CSMD2: variants seen among roughly 807,000 people sequenced by gnomAD.
CSMD2 encodes CUB and Sushi multiple domains 2.
In CSMD2, 130 loss-of-function variants were observed where a neutral mutation model predicts 398.5. The observed-to-expected ratio is 0.33, with a 90% CI of 0.28 to 0.38. The LOEUF (loss-of-function observed/expected upper bound fraction) is 0.38, where lower values mean the gene tolerates loss of function less well. Ranked by LOEUF, CSMD2 falls within the 10% of genes least tolerant of loss-of-function variation. CSMD2 has a pLI of 1.00. For missense variants in CSMD2, 3,829 were observed against 4,764.9 expected (o/e 0.80, Z 5.78); for synonymous variants, 1,828 against 1,908.5 (o/e 0.96, Z 1.10).
At position 33,710,718 on chromosome 1, in the gene CSMD2, G is replaced by A. The variant is rs370072613; in HGVS notation, c.3407-1460C>T. The stretch of plus-strand genomic sequence containing the variant: ...TAACCCTAATTACCCTAAGCCAGGA[G>A]CGTACTAGGCTGAGGCAGCATAGAT... On this transcript the variant is annotated intron_variant, in intron 21 of 70. Coordinates refer to ENST00000373381, the MANE Select transcript of CSMD2 (RefSeq NM_001281956.2). Among the ~76,000 whole-genome samples, 41 of 151,104 alleles carry A rather than the reference G, an allele frequency of 2.7e-4. No individual in the cohort carries two copies. The East Asian group carries it at 7.3e-3, about 27-fold the overall frequency.
intron 58 of CSMD2, among the ~76,000 whole-genome samples, chr1:33,542,213 G>GC (rs578058465): frequency 4.6e-5 from 7 of 152,212 alleles, no homozygotes; most frequent in Non-Finnish European, 2.9e-5. Flanking sequence ...CTTGAGAGAA[G>GC]CAAGAAATTG....
At chr1:33,600,036 T>C (rs1051687428) in intron 44 of CSMD2, 11 of 629,858 alleles carry the variant, frequency 1.7e-5, no homozygotes, top group African/African-American at 1.7e-4. Context: ...TATTTCTTCA[T>C]TTGTAAAGTG....
At chr1:33,778,631 A>G (rs1025164418) in intron 12 of CSMD2, among the ~76,000 whole-genome samples, 8 of 152,186 alleles carry the variant, frequency 5.3e-5, no homozygotes, top group Non-Finnish European at 1.0e-4. Context: ...AATATTTTGC[A>G]TGGAAACCGT....
intron 3 of CSMD2, among the ~76,000 whole-genome samples, chr1:33,995,362 C>T (rs1305862211): frequency 6.6e-6 from 1 of 152,246 alleles, no homozygotes; most frequent in Non-Finnish European, 1.5e-5. Flanking sequence ...AGGACTACGA[C>T]ACTGTCACCA....
intron 1 of CSMD2, among the ~76,000 whole-genome samples, chr1:34,151,271 C>T (rs550329462): frequency 6.6e-6 from 1 of 152,322 alleles, no homozygotes; most frequent in East Asian, 1.9e-4. Context: ...CAACCCAGGG[C>T]CACTGCACTA....
At chr1:33,839,188 A>G (rs1016031099) in intron 6 of CSMD2, 1 of 152,210 alleles carries the variant, frequency 6.6e-6, no homozygotes, top group African/African-American at 2.4e-5. Flanking sequence ...AACATATGAG[A>G]AGTCCAGAAA....
At chr1:34,015,462 G>C (rs1398631356) in intron 3 of CSMD2, among the ~76,000 whole-genome samples, 2 of 152,208 alleles carry the variant, frequency 1.3e-5, no homozygotes, top group East Asian at 3.9e-4. Context: ...TGGGAGACTA[G>C]CTAGGTGAGA....
chr1:33,733,558 A>G lies in CSMD2; in HGVS notation c.2368+5582T>C, dbSNP rs574488342. ...TGGTTGGGCTCTGTGTCCCCACCCAAATCTCACCTCGAGTTATAATCCCCA... is the reference window on the plus strand; with the variant it reads ...TGGTTGGGCTCTGTGTCCCCACCCAGATCTCACCTCGAGTTATAATCCCCA... On this transcript the variant is annotated intron_variant, in intron 15 of 70. Transcript: ENST00000373381. Among the ~76,000 whole-genome samples, 9 of 152,230 alleles carry G rather than the reference A, an allele frequency of 5.9e-5. No individual in the cohort carries two copies. The South Asian group carries it at 6.2e-4, about 11-fold the overall frequency.
chr1:33,763,918 C>T (rs551199277), intron 13 of CSMD2, among the ~76,000 whole-genome samples: 5 of 152,162 alleles, frequency 3.3e-5, no homozygotes, highest in Non-Finnish European at 7.3e-5. Context: ...ATGTATGCCC[C>T]AGTCCAAGGA....
At position 33,772,592 on chromosome 1, in the gene CSMD2, G is replaced by C; in HGVS notation, c.1823C>G (p.Ser608Trp). 1.9e-6 allele frequency: 3 copies of C among 1,613,770 alleles called. No homozygotes were observed. Among genetic ancestry groups the C allele is most frequent in the Admixed American group, 3.3e-5 (2 of 60,006 alleles). Residue 608 changes from serine to tryptophan, a missense_variant, in exon 13 of 71, where the codon TCG (serine) becomes TGG (tryptophan). Ser to Trp is a radical substitution (Grantham distance 177). Transcript: ENST00000373381. ...ACACACGCAGCCTGGCTTCTTAGCC[G>C]ACCATTGGTTATTCTTTTGGCATGT... ...AITCQKNNQW[S>W]AKKPGCVFSC... is the part of the protein sequence containing the mutation.
chr1:33,865,165 A>G (rs1281929914), intron 5 of CSMD2, among the ~76,000 whole-genome samples: 2 of 151,594 alleles, frequency 1.3e-5, no homozygotes, highest in Non-Finnish European at 2.9e-5. Context: ...TGTCAGGTTC[A>G]GGAACATGAC....
chr1:33,738,964 C>T (rs1389575631), intron 15 of CSMD2, among the ~76,000 whole-genome samples, 176 bp downstream of exon 15: 2 of 152,208 alleles, frequency 1.3e-5, no homozygotes, highest in Non-Finnish European at 2.9e-5. Context: ...TTCCTACGCA[C>T]AGTGGCCTTA....
At chr1:33,956,238 G>T (rs190854507) in intron 3 of CSMD2, among the ~76,000 whole-genome samples, 3 of 149,570 alleles carry the variant, frequency 2.0e-5, no homozygotes, top group Non-Finnish European at 4.4e-5. Context: ...TCACATTGTT[G>T]TGTAACCATC....
rs773055404 is a variant in CSMD2 at position 33,514,102 on chromosome 1, C to A, written c.*2522G>T. On this transcript the variant is annotated 3_prime_UTR_variant, in exon 71 of 71. Transcript: ENST00000373381. ...CATAATGCAGGACCCCAGGGGGAAG[C>A]CTCATATACAGAGACAGATAAATTA... is the stretch of plus-strand genomic sequence containing the variant. 2 of 152,502 alleles carry A rather than the reference C, an allele frequency of 1.3e-5. No homozygotes were observed. The highest frequency in any genetic ancestry group is 1.5e-5 in the Non-Finnish European group (1 of 68,014). 9.4% of individuals were successfully genotyped at this position (152,502 alleles called of 1,614,324 possible).
At chr1:34,023,592 C>T (rs994134883) in intron 3 of CSMD2, among the ~76,000 whole-genome samples, 4 of 152,140 alleles carry the variant, frequency 2.6e-5, no homozygotes, top group African/African-American at 9.7e-5. Flanking sequence ...CGGAGAGCCA[C>T]AAGATTTGAC....
intron 5 of CSMD2, among the ~76,000 whole-genome samples, chr1:33,888,881 C>A (rs1052648652): frequency 1.1e-4 from 16 of 152,092 alleles, no homozygotes; most frequent in African/African-American, 2.9e-4. Flanking sequence ...CATTCTCCTG[C>A]CTCAGCCTCC....
intron 1 of CSMD2, among the ~76,000 whole-genome samples, chr1:34,153,803 G>C (rs182224666): frequency 8.5e-5 from 13 of 152,178 alleles, no homozygotes; most frequent in African/African-American, 2.9e-4. Flanking sequence ...GCCCTGCAAG[G>C]GAGTGGGCCC....
At chr1:33,832,496 A>G (rs1659704878) in intron 6 of CSMD2, among the ~76,000 whole-genome samples, 1 of 147,390 alleles carries the variant, frequency 6.8e-6, no homozygotes, top group Non-Finnish European at 1.5e-5. Flanking sequence ...GACACATTCA[A>G]AGCAGTGTGT....
chr1:34,015,056 A>C (rs1647888629), intron 3 of CSMD2, among the ~76,000 whole-genome samples: 1 of 152,216 alleles, frequency 6.6e-6, no homozygotes, highest in African/African-American at 2.4e-5. Flanking sequence ...ATTTCTCAAG[A>C]AAAGAAGGAA....
Sources: gnomAD v4.1 joint callset for allele counts (sites outside exome capture counted in the v4.1 genomes callset) on GRCh38, gnomAD v4.1.1 for gene constraint, MANE v1.5 for transcripts, NCBI Gene and HGNC (gene_info 2026-07-23, HGNC 2026-07-21) for gene names.